Variants in MICAL3 observed in about 807,000 individuals in gnomAD.
MICAL3 encodes microtubule associated monooxygenase, calponin and LIM domain containing 3.
Under a neutral mutation model 207.4 loss-of-function variants are expected in MICAL3, and 62 were observed. The ratio of observed to expected loss-of-function variants is 0.30; its 90% CI spans 0.24 to 0.37. MICAL3 has a LOEUF of 0.37. Among genes scored for constraint, MICAL3 ranks in the 10% least tolerant of loss-of-function variants. The pLI, the probability that MICAL3 is intolerant of heterozygous loss-of-function variation, is 1.00. For synonymous variants in MICAL3, 1,077 were observed against 1,069.3 expected, an observed-to-expected ratio of 1.01 and a Z score of -0.14; for missense variants, 2,368 against 2,635.6, an observed-to-expected ratio of 0.90 and a Z score of 2.22.
At position 17,886,988 on chromosome 22, in the gene MICAL3, C is replaced by CAAAA. The variant is rs55999508; in HGVS notation, c.2067+178_2067+181dup. On this transcript the variant is annotated intron_variant, in intron 15 of 31. Transcript: ENST00000441493. ...GGGCAATGGAGAAAGACTCTTGTCT[C>CAAAA]AAAAAAAAAAAAAAAAAAAAAAAAA... Among the ~76,000 whole-genome samples the CAAAA allele has an allele frequency of 4.1e-4, 17 of 41,348 alleles. 1 individual carries two copies. The highest frequency in any genetic ancestry group is 7.0e-4 in the Non-Finnish European group (15 of 21,362). 27.1% of individuals were successfully genotyped at this position (41,348 alleles called of 152,430 possible).
chr22:17,836,227 G>A (rs991144705), intron 20 of MICAL3, among the ~76,000 whole-genome samples: 1 of 152,232 alleles, frequency 6.6e-6, no homozygotes, highest in Non-Finnish European at 1.5e-5. Flanking sequence ...GCTGTGTCAA[G>A]AGGGGCGGAT....
At chr22:17,892,514 T>C (rs572534055) in intron 11 of MICAL3, among the ~76,000 whole-genome samples, 24 of 152,252 alleles carry the variant, frequency 1.6e-4, no homozygotes, top group African/African-American at 5.3e-4. Context: ...TTCATTTAGG[T>C]TTTTCGCCAT....
At chr22:17,929,571 T>TTTC (rs1556418310) in intron 1 of MICAL3, among the ~76,000 whole-genome samples, 1 of 128,338 alleles carries the variant, frequency 7.8e-6, no homozygotes, top group Admixed American at 7.6e-5. Context: ...TTCTTTTCTT[T>TTTC]TTTTTTTTTT....
In MICAL3 at chr22:17,817,901, G is replaced by T; in HGVS notation, c.4760C>A (p.Ala1587Glu). ...CTCCTCGGCCAACTCCTTGGCTTCC[G>T]CGGACACCAAGGGCAGCCCCCTCTT... The part of the protein sequence containing the change: ...PQKRGLPLVS[A>E]EAKELAEERM... The change falls in exon 26 of 32, where the codon GCG becomes GAG. Residue 1587 changes from alanine to glutamate, a missense_variant. Ala to Glu is a moderately radical substitution (Grantham distance 107). This residue lies in a region of MICAL3 where 1,770 missense variants were observed against 1,863.2 expected (regional missense o/e 0.95). Coordinates refer to ENST00000441493, the MANE Select transcript of MICAL3 (RefSeq NM_015241.3). 1.9e-6 allele frequency: 3 copies of T among 1,612,420 alleles called. No homozygotes were observed. Among genetic ancestry groups the T allele is most frequent in the Non-Finnish European group, 2.5e-6 (3 of 1,179,768 alleles).
chr22:17,816,878 G>A, intron 26 of MICAL3, 94 bp from the exon 27 acceptor site: 1 of 914,044 alleles, frequency 1.1e-6, no homozygotes, highest in Non-Finnish European at 1.7e-6. Flanking sequence ...AAGGAGGCCG[G>A]GTGGGGGGCT....
At chr22:17,906,417 G>C (rs1383472429) in intron 2 of MICAL3, 132 bp downstream of exon 2, 1 of 1,562,926 alleles carries the variant, frequency 6.4e-7, no homozygotes, top group African/African-American at 1.4e-5. Flanking sequence ...CTCTGGCACA[G>C]AACTTGCCAT....
chr22:17,872,931 G>A lies in MICAL3; in HGVS notation c.2242-908C>T, dbSNP rs574077289. 117 of 978,308 alleles carry A rather than the reference G, an allele frequency of 1.2e-4. No individual in the cohort carries two copies. In the African/African-American group the frequency reaches 1.5e-3, roughly 13 times the overall value. 60.6% of individuals were successfully genotyped at this position (978,308 alleles called of 1,614,324 possible). On this transcript the variant is annotated intron_variant, in intron 16 of 31. Transcript: ENST00000441493. Reference sequence around the variant, plus strand: ...AAAAATACATAAATTAAGAAGACACGGGGAAAAAAAGAAATCTTTGGGAAG... The same window carrying A: ...AAAAATACATAAATTAAGAAGACACAGGGAAAAAAAGAAATCTTTGGGAAG...
intron 1 of MICAL3, among the ~76,000 whole-genome samples, chr22:17,950,166 A>ATTTTTTTTT (rs10657913): frequency 0.026 from 3,736 of 143,888 alleles, 212 homozygotes; most frequent in African/African-American, 0.094. Context: ...ACAGCTGTCT[A>ATTTTTTTTT]TTTTTTTTTT....
At chr22:17,976,752 G>C (rs1485156264) in intron 1 of MICAL3, among the ~76,000 whole-genome samples, 1 of 149,026 alleles carries the variant, frequency 6.7e-6, no homozygotes, top group Admixed American at 6.7e-5. Flanking sequence ...CCAAACATAA[G>C]TTCTGAGTAT....
intron 1 of MICAL3, among the ~76,000 whole-genome samples, chr22:18,020,613 T>TAAAAAAAAAAAAAAAAA (rs55654559): frequency 9.2e-5 from 11 of 119,738 alleles, no homozygotes; most frequent in African/African-American, 3.3e-4. Context: ...CTTTAAAAAG[T>TAAAAAAAAAAAAAAAAA]AAAAAAAAAA....
At chr22:18,015,624 C>T (rs1052234387) in intron 1 of MICAL3, among the ~76,000 whole-genome samples, 2 of 151,932 alleles carry the variant, frequency 1.3e-5, no homozygotes, top group Non-Finnish European at 2.9e-5. Context: ...TGCTAGCCAG[C>T]TGATCTCGAA....
chr22:17,895,964 T>C (rs1930792545), intron 9 of MICAL3, among the ~76,000 whole-genome samples: 1 of 152,150 alleles, frequency 6.6e-6, no homozygotes, highest in Non-Finnish European at 1.5e-5. Flanking sequence ...TTATAAGCAG[T>C]TTGGTGTTTT....
intron 1 of MICAL3, among the ~76,000 whole-genome samples, chr22:17,955,216 T>G (rs963780915): frequency 6.6e-6 from 1 of 152,172 alleles, no homozygotes; most frequent in Non-Finnish European, 1.5e-5. Context: ...TCCTTTCTCC[T>G]GCTTCACTCC....
At position 17,860,948 on chromosome 22, in the gene MICAL3, TATAA is replaced by T. The variant is rs796578943; in HGVS notation, c.2605+3947_2605+3950del. ...AATTACTATAATTTAGGGTGCAACATATAAATAAATATCTACCCATATATGTGCA... is the reference window on the plus strand; with the variant it reads ...AATTACTATAATTTAGGGTGCAACATATAAATATCTACCCATATATGTGCA... On this transcript the variant is annotated intron_variant, in intron 19 of 31. Coordinates refer to ENST00000441493, the MANE Select transcript of MICAL3 (RefSeq NM_015241.3). 37 of 984,236 alleles carry T rather than the reference TATAA, an allele frequency of 3.8e-5. No homozygotes were observed. In the African/African-American group the frequency reaches 3.8e-4, roughly 10 times the overall value. 61.0% of individuals were successfully genotyped at this position (984,236 alleles called of 1,614,324 possible).
chr22:17,908,357 G>A lies in MICAL3; in HGVS notation c.-74-1471C>T, dbSNP rs1931897958. 2.0e-5 allele frequency among the ~76,000 whole-genome samples: 3 copies of A among 152,128 alleles called. No individual in the cohort carries two copies. In the South Asian group the frequency reaches 6.2e-4, roughly 32 times the overall value. On this transcript the variant is annotated intron_variant, in intron 1 of 31. Coordinates refer to ENST00000441493, the MANE Select transcript of MICAL3 (RefSeq NM_015241.3). ...GAGTCTCGCTTTGTTGCCCAGGCTG[G>A]AATACAGTGGTGCGATCTCTGCTCA... is the stretch of plus-strand genomic sequence containing the variant.
chr22:17,869,379 C>T (rs1029696306), intron 17 of MICAL3, among the ~76,000 whole-genome samples: 4 of 152,078 alleles, frequency 2.6e-5, no homozygotes, highest in African/African-American at 9.7e-5. Context: ...GAGGCTGCTG[C>T]AGGGATGGAG....
At chr22:17,890,247 C>T (rs1297133552) in intron 12 of MICAL3, among the ~76,000 whole-genome samples, 1 of 152,186 alleles carries the variant, frequency 6.6e-6, no homozygotes, top group Non-Finnish European at 1.5e-5. Flanking sequence ...GGTTCAGCCT[C>T]TGAAACTATG....
At chr22:17,859,102 G>A (rs772892226) in intron 19 of MICAL3, among the ~76,000 whole-genome samples, 6 of 152,170 alleles carry the variant, frequency 3.9e-5, no homozygotes, top group African/African-American at 9.7e-5. Flanking sequence ...AGGAGACACC[G>A]CCCAGACTCT....
intron 1 of MICAL3, among the ~76,000 whole-genome samples, chr22:18,010,224 G>A (rs975083447): frequency 6.7e-6 from 1 of 148,180 alleles, no homozygotes; most frequent in Non-Finnish European, 1.5e-5. Context: ...AGGGAAAGAT[G>A]TCAAGCCTTC....
Sources: allele counts gnomAD v4.1 joint callset (sites outside exome capture counted in the v4.1 genomes callset), GRCh38; gene constraint gnomAD v4.1.1; regional missense constraint gnomAD v4.1.1; transcripts MANE v1.5; gene names NCBI Gene and HGNC (gene_info 2026-07-23, HGNC 2026-07-21).